CMIP: variants seen among roughly 807,000 people sequenced by gnomAD.
The protein encoded by CMIP is c-Maf inducing protein.
CMIP carries 13 observed loss-of-function variants against 97.3 expected under a neutral mutation model. That is an observed-to-expected ratio of 0.13 (90% CI 0.09 to 0.21). The LOEUF is 0.21. Ranked by LOEUF, CMIP falls within the 10% of genes least tolerant of loss-of-function variation. The probability of loss-of-function intolerance (pLI) is 1.00; values close to 1 mark genes in which losing one functional copy is unlikely to be tolerated. For missense variants in CMIP, 847 were observed against 1,024.9 expected, an observed-to-expected ratio of 0.83 and a Z score of 2.37; for synonymous variants, 538 against 436.3, an observed-to-expected ratio of 1.23 and a Z score of -2.91.
rs1183539789 is a variant in CMIP at position 81,652,180 on chromosome 16, G to A, written c.478-23G>A. The stretch of plus-strand genomic sequence containing the variant: ...TTCCTTACGTGAGTAACATGTTGCT[G>A]TCTCTTTATCTCTTTCAACCAGAAA... On this transcript the variant is annotated intron_variant, in intron 3 of 20. Transcript: ENST00000537098. This position sits in a 1 kb window ranked among gnomAD's most constrained non-coding sequence, Gnocchi z 5.2. 2 of 1,594,450 alleles carry A rather than the reference G, an allele frequency of 1.3e-6. No homozygotes were observed. Among genetic ancestry groups the A allele is most frequent in the Non-Finnish European group, 1.7e-6 (2 of 1,163,338 alleles).
chr16:81,629,666 C>T (rs566348910), intron 3 of CMIP, among the ~76,000 whole-genome samples: 1 of 152,340 alleles, frequency 6.6e-6, no homozygotes, highest in South Asian at 2.1e-4. Flanking sequence ...TTCACGCAGC[C>T]ATTTTAGCAG....
intron 1 of CMIP, among the ~76,000 whole-genome samples, chr16:81,601,938 T>G (rs1415675611): frequency 6.6e-6 from 1 of 152,228 alleles, no homozygotes; most frequent in Non-Finnish European, 1.5e-5. Context: ...TCCGGTTCCC[T>G]TTAATATCCA....
intron 1 of CMIP, among the ~76,000 whole-genome samples, chr16:81,572,023 C>G (rs550770349): frequency 2.0e-5 from 3 of 152,222 alleles, no homozygotes; most frequent in Non-Finnish European, 4.4e-5. Context: ...AGTCGCTCAC[C>G]AGGACGGCCT....
intron 1 of CMIP, among the ~76,000 whole-genome samples, chr16:81,466,232 T>A (rs1251472807): frequency 6.6e-6 from 1 of 152,128 alleles, no homozygotes; most frequent in African/African-American, 2.4e-5. Context: ...AGCTAATTTT[T>A]AAATTTTTTG....
Position 81,620,893 on chromosome 16 carries a change from G to T in CMIP, c.444G>T (p.Leu148=), listed in dbSNP as rs1360071122. 1.2e-6 allele frequency: 2 copies of T among 1,613,894 alleles called. No homozygotes were observed. The highest frequency in any genetic ancestry group is 2.7e-5 in the African/African-American group (2 of 74,932). The change falls in exon 3 of 21, where the codon CTG becomes CTT. Residue 148 remains leucine, a synonymous_variant. Coordinates refer to ENST00000537098, the MANE Select transcript of CMIP (RefSeq NM_198390.3). ...CGTTACAGGCTGCCAATAGCTACCT[G>T]CGAGACCAGTGGTTCCATTCTCTGC... is the stretch of plus-strand genomic sequence containing the variant. ...TVLLQAANSY[L]RDQWFHSLQW...
intron 10 of CMIP, among the ~76,000 whole-genome samples, chr16:81,690,181 A>G (rs1905892702): frequency 6.6e-6 from 1 of 152,272 alleles, no homozygotes; most frequent in Admixed American, 6.5e-5. Context: ...GTTTTTTCCA[A>G]TTCTGTGAAG....
intron 1 of CMIP, among the ~76,000 whole-genome samples, chr16:81,547,692 G>A (rs1289867532): frequency 6.6e-6 from 1 of 152,190 alleles, no homozygotes; most frequent in Non-Finnish European, 1.5e-5. Context: ...CGTTAGTTCA[G>A]TGTACCCAAG....
intron 1 of CMIP, among the ~76,000 whole-genome samples, chr16:81,480,245 A>C (rs1343917060): frequency 1.3e-5 from 2 of 152,156 alleles, no homozygotes; most frequent in African/African-American, 2.4e-5. Context: ...CTCAGCTTCA[A>C]ATCTCCATCT....
chr16:81,500,309 C>G (rs12923527), intron 1 of CMIP, among the ~76,000 whole-genome samples: 2 of 21,400 alleles, frequency 9.3e-5, no homozygotes, highest in Non-Finnish European at 1.7e-4. Flanking sequence ...CTTCCTGCCT[C>G]CCTCCCTCCC....
chr16:81,621,070 G>C lies in CMIP; in HGVS notation c.477+144G>C, dbSNP rs1469536274. 1.1e-6 allele frequency: 1 copy of C among 926,834 alleles called. No homozygotes were observed. The highest frequency in any genetic ancestry group is 2.7e-5 in the East Asian group (1 of 37,232). The allele number at this position is 926,834 out of a possible 1,614,324, so 57.4% of individuals were successfully genotyped here. ...TGAGGAACTTTGTTCCCCTACCTAA[G>C]AGCCCCTGGCCCTTCGTCCTCTGCT... On this transcript the variant is annotated intron_variant, in intron 3 of 20. Transcript: ENST00000537098. This position sits in a 1 kb window ranked among gnomAD's most constrained non-coding sequence, Gnocchi z 4.1.
intron 1 of CMIP, among the ~76,000 whole-genome samples, chr16:81,546,767 C>T (rs2090554348): frequency 6.6e-6 from 1 of 152,146 alleles, no homozygotes; most frequent in Non-Finnish European, 1.5e-5. Flanking sequence ...GCTAGACATC[C>T]CTCTAGACCT....
intron 1 of CMIP, among the ~76,000 whole-genome samples, chr16:81,552,420 C>G (rs1423732447): frequency 6.6e-6 from 1 of 152,172 alleles, no homozygotes. Flanking sequence ...ACAGATCCCC[C>G]TGGGCTATGT....
At chr16:81,564,562 G>C (rs1056936366) in intron 1 of CMIP, among the ~76,000 whole-genome samples, 1 of 152,218 alleles carries the variant, frequency 6.6e-6, no homozygotes, top group African/African-American at 2.4e-5. Context: ...GCCTCTGCCA[G>C]CAGCCGGGAG....
chr16:81,500,308 TCCCTCCCTC>T (rs2089579489), intron 1 of CMIP, among the ~76,000 whole-genome samples: 1 of 138,200 alleles, frequency 7.2e-6, no homozygotes, highest in Admixed American at 7.1e-5. Flanking sequence ...CCTTCCTGCC[TCCCTCCCTC>T]CCTGCCTCCC....
intron 1 of CMIP, among the ~76,000 whole-genome samples, chr16:81,488,099 ACT>A (rs2089346661): frequency 6.6e-6 from 1 of 152,020 alleles, no homozygotes; most frequent in Non-Finnish European, 1.5e-5. Context: ...GTAAACTGAG[ACT>A]GCTGCATGAC....
intron 6 of CMIP, among the ~76,000 whole-genome samples, chr16:81,663,678 A>G (rs2092572105): frequency 6.6e-6 from 1 of 152,172 alleles, no homozygotes; most frequent in South Asian, 2.1e-4. Flanking sequence ...TGTAACAAAT[A>G]TCCCACAGGG....
intron 1 of CMIP, among the ~76,000 whole-genome samples, chr16:81,514,899 A>G (rs760178609): frequency 3.9e-5 from 6 of 152,166 alleles, no homozygotes. Flanking sequence ...CATCTTTCAG[A>G]GGAGCTACCA....
chr16:81,697,670 C>T (rs1276979396), intron 14 of CMIP: 1 of 152,282 alleles, frequency 6.6e-6, no homozygotes, highest in Admixed American at 6.5e-5. Context: ...ACAGTCGCTG[C>T]TCGGAAATGA....
Position 81,614,856 on chromosome 16 carries a change from CTGTG to C in CMIP, c.427-6015_427-6012del, listed in dbSNP as rs1024595699. On this transcript the variant is annotated intron_variant, in intron 2 of 20. Transcript: ENST00000537098. The surrounding 1 kb of genome is among the most constrained non-coding windows in gnomAD (Gnocchi z 5.3). ...ATACGGTGTGTATGCACATGTATCT[CTGTG>C]TGTGCATGTGTGTGTGGTATGTGCA... is the stretch of plus-strand genomic sequence containing the variant. 1.3e-5 allele frequency among the ~76,000 whole-genome samples: 2 copies of C among 149,584 alleles called. No homozygotes were observed. The highest frequency in any genetic ancestry group is 6.6e-5 in the Admixed American group (1 of 15,052).
Sources: gnomAD v4.1 joint callset for allele counts (sites outside exome capture counted in the v4.1 genomes callset) on GRCh38, gnomAD v4.1.1 for gene constraint, Gnocchi (gnomAD v3.1) non-coding constraint, MANE v1.5 for transcripts, NCBI Gene and HGNC (gene_info 2026-07-23, HGNC 2026-07-21) for gene names.